The following POLQ variants were observed in gnomAD, a reference collection of about 807,000 sequenced individuals.
POLQ encodes DNA polymerase theta.
POLQ carries 233 observed loss-of-function variants against 259.2 expected under a neutral mutation model. The observed-to-expected ratio is 0.90, with a 90% CI of 0.81 to 1.00. The LOEUF is 1.00. Ranked by LOEUF, POLQ falls within the 50% of genes least tolerant of loss-of-function variation. The pLI is 0.00. For synonymous variants in POLQ, 1,025 were observed against 1,048.8 expected, an observed-to-expected ratio of 0.98 and a Z score of 0.44; for missense variants, 2,871 against 3,051.6, an observed-to-expected ratio of 0.94 and a Z score of 1.39.
intron 25 of POLQ, among the ~76,000 whole-genome samples, chr3:121,458,154 A>C (rs1252022373): frequency 6.6e-6 from 1 of 152,046 alleles, no homozygotes; most frequent in Admixed American, 6.6e-5. Context: ...CAAACACCGC[A>C]TGTTCTCACT....
At chr3:121,451,938 G>A (rs1320044938) in intron 25 of POLQ, among the ~76,000 whole-genome samples, 1 of 152,254 alleles carries the variant, frequency 6.6e-6, no homozygotes, top group African/African-American at 2.4e-5. Context: ...GCTCCACCCA[G>A]TTCGAGCTTC....
intron 13 of POLQ, among the ~76,000 whole-genome samples, chr3:121,497,261 T>C (rs903104613): frequency 6.6e-6 from 1 of 152,192 alleles, no homozygotes; most frequent in Non-Finnish European, 1.5e-5. Context: ...GATATACAGC[T>C]ACATGTATAT....
intron 26 of POLQ, among the ~76,000 whole-genome samples, chr3:121,447,583 T>C (rs2047642348): frequency 6.6e-6 from 1 of 152,224 alleles, no homozygotes; most frequent in African/African-American, 2.4e-5. Flanking sequence ...ATAGTTTATA[T>C]ATCACAATTG....
chr3:121,490,350 T>C lies in POLQ; in HGVS notation c.2581A>G (p.Thr861Ala), dbSNP rs1475323732. 6.2e-7 allele frequency: 1 copy of C among 1,614,128 alleles called. No homozygotes were observed. The highest frequency in any genetic ancestry group is 1.7e-5 in the Admixed American group (1 of 60,012). Reference protein sequence around the residue: ...EAVEERRNMRTIWVTGRKGLT... With the variant: ...EAVEERRNMRAIWVTGRKGLT... ...CCTTTTCTGCCAGTCACCCAGATAG[T>C]TCGCATATTGCGACGTTCTTCAACT... The change falls in exon 16 of 30, where the codon ACT becomes GCT. Residue 861 changes from threonine to alanine, a missense_variant. Thr to Ala is a moderately conservative substitution (Grantham distance 58). Coordinates refer to ENST00000264233, the MANE Select transcript of POLQ (RefSeq NM_199420.4).
At chr3:121,535,532 A>G (rs1411152028) in intron 5 of POLQ, among the ~76,000 whole-genome samples, 2 of 152,074 alleles carry the variant, frequency 1.3e-5, no homozygotes, top group Non-Finnish European at 2.9e-5. Context: ...CCTGGCCAAC[A>G]TGGTGAAACC....
chr3:121,493,636 G>A lies in POLQ; in HGVS notation c.2364C>T (p.Gly788=). 1.2e-6 allele frequency: 2 copies of A among 1,614,032 alleles called. No individual in the cohort carries two copies. Among genetic ancestry groups the A allele is most frequent in the Non-Finnish European group, 1.7e-6 (2 of 1,179,930 alleles). ...LSQFQKRLTF[G]IQRELCDLVR... The stretch of plus-strand genomic sequence containing the variant: ...CCAGGTCACACAGCTCCCTCTGGAT[G>A]CCAAACGTAAGACGCTTCTGAAATT... Residue 788 remains glycine (G), a synonymous_variant, in exon 15 of 30, where the codon GGC becomes GGT. Transcript: ENST00000264233.
Position 121,489,237 on chromosome 3 carries a change from T to C in POLQ, c.3694A>G (p.Asn1232Asp), listed in dbSNP as rs765706633. 3.7e-5 allele frequency: 59 copies of C among 1,611,432 alleles called. No individual in the cohort carries two copies. The highest frequency in any genetic ancestry group is 4.8e-5 in the Non-Finnish European group (57 of 1,178,476). Residue 1232 changes from asparagine to aspartate, a missense_variant, in exon 16 of 30, where the codon AAT becomes GAT. Asn to Asp is a conservative substitution (Grantham distance 23). This residue lies in a region of POLQ where 2,080 missense variants were observed against 2,126.0 expected (regional missense o/e 0.98). Coordinates refer to ENST00000264233, the MANE Select transcript of POLQ (RefSeq NM_199420.4). Reference sequence around the variant, plus strand: ...ATCCTTTCACAATTGATAGTAACATTTGAGTCTCTATTTATGTAACTACTG... The same window carrying C: ...ATCCTTTCACAATTGATAGTAACATCTGAGTCTCTATTTATGTAACTACTG... ...AVSSYINRDS[N>D]VTINCERIKL...
At chr3:121,502,937 TAA>T (rs145848405) in intron 12 of POLQ, among the ~76,000 whole-genome samples, 1 of 144,848 alleles carries the variant, frequency 6.9e-6, no homozygotes. Flanking sequence ...GAGTAAACAC[TAA>T]AAAAAAAAAT....
chr3:121,454,375 C>T (rs530079685), intron 25 of POLQ, among the ~76,000 whole-genome samples: 1 of 152,242 alleles, frequency 6.6e-6, no homozygotes, highest in Non-Finnish European at 1.5e-5. Context: ...CAAATTCACA[C>T]ATAACAATAT....
intron 15 of POLQ, among the ~76,000 whole-genome samples, chr3:121,492,627 T>C (rs545949383): frequency 1.2e-3 from 180 of 152,002 alleles, no homozygotes; most frequent in African/African-American, 4.1e-3. Context: ...TACCAAACTT[T>C]TGCTCAGTAC....
chr3:121,458,128 C>T (rs1050982662), intron 25 of POLQ, among the ~76,000 whole-genome samples: 9 of 151,904 alleles, frequency 5.9e-5, no homozygotes, highest in African/African-American at 2.2e-4. Context: ...AGTAAACTAT[C>T]GCAAGAACAA....
Position 121,432,920 on chromosome 3 carries a change from G to T in POLQ, c.7657C>A (p.Gln2553Lys). Residue 2553 changes from glutamine (Q) to lysine (K), a missense_variant and splice_region_variant, in exon 29 of 30, where the codon CAG (glutamine) becomes AAG (lysine). Gln to Lys is a moderately conservative substitution (Grantham distance 53). Coordinates refer to ENST00000264233, the MANE Select transcript of POLQ (RefSeq NM_199420.4). The part of the protein sequence containing the change: ...LYEVAEEDVV[Q>K]VAQIVKNEME... ...GGACACAAGCATTGCAAAAATACCT[G>T]AACAACATCTTCTTCTGCCACTTCA... 1 of 1,554,044 alleles carries T rather than the reference G, an allele frequency of 6.4e-7. No homozygotes were observed. The highest frequency in any genetic ancestry group is 1.1e-5 in the South Asian group (1 of 89,810).
At chr3:121,526,431 A>G (rs1028451005) in intron 7 of POLQ, among the ~76,000 whole-genome samples, 2 of 152,208 alleles carry the variant, frequency 1.3e-5, no homozygotes, top group Admixed American at 1.3e-4. Flanking sequence ...AACAAGAGTT[A>G]GCCTATCCCT....
chr3:121,490,365 G>A lies in POLQ; in HGVS notation c.2566C>T (p.Arg856Cys), dbSNP rs200486636. The A allele has an allele frequency of 9.4e-5, 152 of 1,614,210 alleles. No homozygotes were observed. In the East Asian group the frequency reaches 2.5e-3, roughly 26 times the overall value. Residue 856 changes from arginine (R) to cysteine (C), a missense_variant, in exon 16 of 30, where the codon CGT (arginine) becomes TGT (cysteine). Arg to Cys is a radical substitution (Grantham distance 180). This residue lies in a region of POLQ where 2,080 missense variants were observed against 2,126.0 expected (regional missense o/e 0.98). Coordinates refer to ENST00000264233, the MANE Select transcript of POLQ (RefSeq NM_199420.4). The stretch of plus-strand genomic sequence containing the variant: ...ACCCAGATAGTTCGCATATTGCGAC[G>A]TTCTTCAACTGCTTCCTCTTCCTCA... ...VDEEEEAVEERRNMRTIWVTG... is the reference protein window; with the variant it reads ...VDEEEEAVEECRNMRTIWVTG...
At position 121,512,603 on chromosome 3, in the gene POLQ, T is replaced by C. The variant is rs77947916; in HGVS notation, c.1469-574A>G. Among the ~76,000 whole-genome samples the C allele has an allele frequency of 3.1e-3, 469 of 152,310 alleles. 8 individuals carry two copies. Among genetic ancestry groups the C allele is most frequent in the African/African-American group, 0.011 (447 of 41,574 alleles). The stretch of plus-strand genomic sequence containing the variant: ...CCAGGTTAAACAGTTTCTCAGGTCT[T>C]CAATCCTTTTCTATAAAGGCTTCCA... On this transcript the variant is annotated intron_variant, in intron 9 of 29. Transcript: ENST00000264233.
rs549241252 is a variant in POLQ at position 121,500,943 on chromosome 3, G to GA, written c.1960-2274dup. On this transcript the variant is annotated intron_variant, in intron 12 of 29. Transcript: ENST00000264233. ...AGATGACATATTCAAACTGCTCAAA[G>GA]AAAAAAAAATCTGTCAACTAAACAT... Among the ~76,000 whole-genome samples the GA allele has an allele frequency of 7.9e-5, 12 of 151,604 alleles. 1 individual carries two copies. Among genetic ancestry groups the GA allele is most frequent in the South Asian group, 4.2e-4 (2 of 4,806 alleles).
intron 10 of POLQ, 25 bp from the exon 11 acceptor site, chr3:121,510,268 C>T (rs1392952372): frequency 6.4e-7 from 1 of 1,569,954 alleles, no homozygotes; most frequent in East Asian, 2.2e-5. Flanking sequence ...TTGGAAATTT[C>T]TGTAGCTTTT....
At chr3:121,458,340 C>T (rs1428015619) in intron 25 of POLQ, among the ~76,000 whole-genome samples, 1 of 151,806 alleles carries the variant, frequency 6.6e-6, no homozygotes, top group Non-Finnish European at 1.5e-5. Context: ...ACATATGTAA[C>T]TAACCTGCAC....
rs540434907 is a variant in POLQ at position 121,483,894 on chromosome 3, G to A, written c.5774-312C>T. On this transcript the variant is annotated intron_variant, in intron 17 of 29. Coordinates refer to ENST00000264233, the MANE Select transcript of POLQ (RefSeq NM_199420.4). The stretch of plus-strand genomic sequence containing the variant: ...TCCCAAAATGAGGAGTTAAAGACAG[G>A]AAAAGTATTTGGAAATGAATTTTAA... Among the ~76,000 whole-genome samples, 16 of 151,936 alleles carry A rather than the reference G, an allele frequency of 1.1e-4. No homozygotes were observed. The East Asian group carries it at 2.9e-3, about 28-fold the overall frequency.
Sources: gnomAD v4.1 joint callset for allele counts (sites outside exome capture counted in the v4.1 genomes callset) on GRCh38, gnomAD v4.1.1 for gene constraint, gnomAD v4.1.1 regional missense constraint, MANE v1.5 for transcripts, NCBI Gene and HGNC (gene_info 2026-07-23, HGNC 2026-07-21) for gene names.